Variants in APLF observed in about 807,000 individuals in gnomAD.
APLF encodes aprataxin and PNK-like factor.
Under a neutral mutation model 55.6 loss-of-function variants are expected in APLF, and 61 were observed. That is an observed-to-expected ratio of 1.10 (90% CI 0.89 to 1.36). The LOEUF (loss-of-function observed/expected upper bound fraction) is 1.36, where lower values mean the gene tolerates loss of function less well. Ranked by LOEUF, APLF falls within the 40% of genes most tolerant of loss-of-function variation. The pLI is 0.00. For missense variants in APLF, 611 were observed against 602.5 expected, an observed-to-expected ratio of 1.01 and a Z score of -0.15; for synonymous variants, 207 against 214.8, an observed-to-expected ratio of 0.96 and a Z score of 0.32.
chr2:68,579,412 T>C lies in APLF; in HGVS notation c.*1390T>C, dbSNP rs1014200964. The C allele has an allele frequency of 6.2e-6, 6 of 974,752 alleles. No homozygotes were observed. Among genetic ancestry groups the C allele is most frequent in the Middle Eastern group, 5.2e-4 (1 of 1,918 alleles). The allele number at this position is 974,752 out of a possible 1,614,324, so 60.4% of individuals were successfully genotyped here. A position where few individuals can be genotyped will look rare whatever the true frequency, so the allele number is the denominator to read the frequency against. On this transcript the variant is annotated 3_prime_UTR_variant, in exon 10 of 10. Transcript: ENST00000303795. ...ATTCTCATCCCTGCCACTAACTTAA[T>C]CCTTGAAGTGTTACATAATCTACTC...
chr2:68,533,696 A>G (rs960401755), intron 6 of APLF, among the ~76,000 whole-genome samples: 1 of 151,730 alleles, frequency 6.6e-6, no homozygotes, highest in African/African-American at 2.4e-5. Context: ...GGCTGGGCCC[A>G]CCTCCCTCCC....
intron 1 of APLF, 99 bp downstream of exon 1, chr2:68,467,926 T>A: frequency 1.1e-6 from 1 of 922,072 alleles, no homozygotes; most frequent in Non-Finnish European, 1.4e-6. Flanking sequence ...CCCACCGCAC[T>A]GGTCCGCCGG....
chr2:68,542,267 C>G (rs1163454197), intron 7 of APLF, among the ~76,000 whole-genome samples: 2 of 151,318 alleles, frequency 1.3e-5, no homozygotes, highest in African/African-American at 2.5e-5. Flanking sequence ...GATATGACAC[C>G]AAAGCACAGA....
At chr2:68,540,139 C>T (rs868864361) in intron 7 of APLF, among the ~76,000 whole-genome samples, 1 of 152,054 alleles carries the variant, frequency 6.6e-6, no homozygotes, top group Admixed American at 6.5e-5. Flanking sequence ...TTAGGTATTT[C>T]TCCTAATGCT....
intron 7 of APLF, among the ~76,000 whole-genome samples, chr2:68,544,583 T>C (rs112332027): frequency 0.025 from 3,882 of 152,338 alleles, 62 homozygotes; most frequent in South Asian, 0.042. Flanking sequence ...AAATGCACTT[T>C]TTCAATTTCT....
chr2:68,556,754 G>C (rs1671027360), intron 8 of APLF, among the ~76,000 whole-genome samples: 1 of 152,156 alleles, frequency 6.6e-6, no homozygotes, highest in Non-Finnish European at 1.5e-5. Context: ...TTGGTGTCTT[G>C]ATGTCTTTCA....
At chr2:68,480,367 T>C (rs1343989966) in intron 1 of APLF, among the ~76,000 whole-genome samples, 1 of 151,644 alleles carries the variant, frequency 6.6e-6, no homozygotes, top group Non-Finnish European at 1.5e-5. Context: ...TGCGGTGGCA[T>C]GATCTCGGCT....
At position 68,538,160 on chromosome 2, in the gene APLF, G is replaced by T. The variant is rs772491242; in HGVS notation, c.1093G>T (p.Val365Phe). 6.2e-7 allele frequency: 1 copy of T among 1,613,892 alleles called. No homozygotes were observed. The highest frequency in any genetic ancestry group is 1.3e-5 in the African/African-American group (1 of 74,930). The stretch of plus-strand genomic sequence containing the variant: ...TTTGCATGCAAAGGCAACTGATTCA[G>T]TTCTACAAGGTTCTGAAGGAAACAA... ...ETLHAKATDS[V>F]LQGSEGNKVK... The change falls in exon 7 of 10, where the codon GTT becomes TTT. Residue 365 changes from valine (V) to phenylalanine (F), a missense_variant. Val to Phe is a conservative substitution (Grantham distance 50). Coordinates refer to ENST00000303795, the MANE Select transcript of APLF (RefSeq NM_173545.3).
At chr2:68,513,715 G>A in intron 5 of APLF, 35 bp downstream of exon 5, 1 of 1,601,090 alleles carries the variant, frequency 6.2e-7, no homozygotes, top group South Asian at 1.1e-5. Context: ...TGACTTTAAA[G>A]GAAACATTAA....
At chr2:68,479,731 A>C (rs573377258) in intron 1 of APLF, among the ~76,000 whole-genome samples, 1 of 152,350 alleles carries the variant, frequency 6.6e-6, no homozygotes, top group Admixed American at 6.5e-5. Context: ...AATGGAAAGC[A>C]AAAAAGTTAG....
intron 2 of APLF, among the ~76,000 whole-genome samples, chr2:68,495,078 T>C (rs1676499356): frequency 6.6e-6 from 1 of 152,152 alleles, no homozygotes; most frequent in Admixed American, 6.5e-5. Context: ...TGGATTACAA[T>C]TCAACATGAG....
intron 2 of APLF, among the ~76,000 whole-genome samples, chr2:68,496,531 T>G (rs1166980076): frequency 1.3e-5 from 2 of 152,230 alleles, no homozygotes; most frequent in South Asian, 4.1e-4. Context: ...TTATCAAGCT[T>G]TTGCACTCTG....
rs1573225233 is a variant in APLF at position 68,528,755 on chromosome 2, T to C, written c.804+2513T>C. On this transcript the variant is annotated intron_variant, in intron 6 of 9. Transcript: ENST00000303795. Reference sequence around the variant, plus strand: ...AGGGCTGTGTGAACTGGCGACTCCATGGCCCTTGGAGTAGAAACTCACTGC... The same window carrying C: ...AGGGCTGTGTGAACTGGCGACTCCACGGCCCTTGGAGTAGAAACTCACTGC... 4.0e-6 allele frequency: 6 copies of C among 1,484,698 alleles called. No individual in the cohort carries two copies. The South Asian group carries it at 6.0e-5, about 15-fold the overall frequency. 92.0% of individuals were successfully genotyped at this position (1,484,698 alleles called of 1,614,324 possible).
chr2:68,538,330 C>G, intron 7 of APLF, 103 bp downstream of exon 7: 1 of 1,050,950 alleles, frequency 9.5e-7, no homozygotes, highest in Non-Finnish European at 1.3e-6. Context: ...ACCCACTGGC[C>G]TAAAGGTTAG....
intron 8 of APLF, among the ~76,000 whole-genome samples, chr2:68,559,173 G>C (rs1230330851): frequency 1.3e-5 from 2 of 152,160 alleles, no homozygotes; most frequent in Non-Finnish European, 2.9e-5. Flanking sequence ...GAAAAATACA[G>C]AGGTGGATTG....
intron 8 of APLF, among the ~76,000 whole-genome samples, chr2:68,556,079 T>A (rs1450420015): frequency 3.3e-5 from 5 of 152,200 alleles, no homozygotes; most frequent in Non-Finnish European, 1.5e-5. Flanking sequence ...ACTATTATTC[T>A]AAGTGAAGTA....
Position 68,578,585 on chromosome 2 carries a change from G to T in APLF, c.*563G>T, listed in dbSNP as rs1280088373. 41 of 985,466 alleles carry T rather than the reference G, an allele frequency of 4.2e-5. No individual in the cohort carries two copies. Among genetic ancestry groups the T allele is most frequent in the Non-Finnish European group, 4.9e-5 (41 of 830,038 alleles). The allele number at this position is 985,466 out of a possible 1,614,324, so 61.0% of individuals were successfully genotyped here. ...GGAAGATTGGTTCCAAATGGGTACT[G>T]AAAATAGATTCAACTAGGCTGTAGA... On this transcript the variant is annotated 3_prime_UTR_variant, in exon 10 of 10. Coordinates refer to ENST00000303795, the MANE Select transcript of APLF (RefSeq NM_173545.3).
At chr2:68,540,275 C>G (rs565159779) in intron 7 of APLF, among the ~76,000 whole-genome samples, 2 of 152,034 alleles carry the variant, frequency 1.3e-5, no homozygotes, top group South Asian at 4.1e-4. Context: ...GTTTCCTGTT[C>G]TTGTGTTAGT....
At chr2:68,523,408 A>G (rs1266251568) in intron 5 of APLF, among the ~76,000 whole-genome samples, 2 of 147,874 alleles carry the variant, frequency 1.4e-5, no homozygotes, top group Non-Finnish European at 2.9e-5. Flanking sequence ...TAAATATACA[A>G]TACACTTTGA....
Sources: allele counts gnomAD v4.1 joint callset (sites outside exome capture counted in the v4.1 genomes callset), GRCh38; gene constraint gnomAD v4.1.1; transcripts MANE v1.5; gene names NCBI Gene and HGNC (gene_info 2026-07-23, HGNC 2026-07-21).